The following PRDM5 variants were observed in gnomAD, a reference collection of about 807,000 sequenced individuals.
PRDM5 encodes PR/SET domain 5.
PRDM5 carries 56 observed loss-of-function variants against 81.2 expected under a neutral mutation model. The observed-to-expected ratio is 0.69, with a 90% CI of 0.56 to 0.86. The LOEUF (loss-of-function observed/expected upper bound fraction) is 0.86, where lower values mean the gene tolerates loss of function less well. Among genes scored for constraint, PRDM5 ranks in the 40% least tolerant of loss-of-function variants. The pLI is 0.00. For synonymous variants in PRDM5, 267 were observed against 256.4 expected (o/e 1.04, Z -0.39); for missense variants, 697 against 770.1 (o/e 0.91, Z 1.12).
intron 14 of PRDM5, among the ~76,000 whole-genome samples, chr4:120,732,066 C>A (rs982680626): frequency 6.6e-6 from 1 of 152,056 alleles, no homozygotes; most frequent in Admixed American, 6.6e-5. Context: ...AATGTTGAAC[C>A]ATCTCAGGAT....
chr4:120,915,113 C>G lies in PRDM5; in HGVS notation c.93+7403G>C, dbSNP rs543297181. 2.0e-5 allele frequency among the ~76,000 whole-genome samples: 3 copies of G among 152,158 alleles called. No individual in the cohort carries two copies. In the East Asian group the frequency reaches 5.8e-4, roughly 29 times the overall value. ...ACCACTATACAATTCATCCATGTAA[C>G]CAAAAACCACTTGTACCCCTAAAGC... On this transcript the variant is annotated intron_variant, in intron 1 of 15. Coordinates refer to ENST00000264808, the MANE Select transcript of PRDM5 (RefSeq NM_018699.4).
chr4:120,687,542 T>A (rs1229806032), downstream of PRDM5, among the ~76,000 whole-genome samples: 1 of 152,164 alleles, frequency 6.6e-6, no homozygotes, highest in African/African-American at 2.4e-5. Flanking sequence ...GATGAACATT[T>A]AGGCTACATC....
chr4:120,887,190 C>T (rs893366682), intron 2 of PRDM5, among the ~76,000 whole-genome samples: 6 of 152,150 alleles, frequency 3.9e-5, no homozygotes, highest in African/African-American at 1.2e-4. Context: ...GTGATCCACC[C>T]GCCTTGGCCT....
chr4:120,690,384 G>A (rs901704454), downstream of PRDM5, among the ~76,000 whole-genome samples: 3 of 152,126 alleles, frequency 2.0e-5, no homozygotes, highest in Admixed American at 6.6e-5. Context: ...CCATCCAAAT[G>A]AGGCAAGATG....
intron 15 of PRDM5, 77 bp from the exon 16 acceptor site, chr4:120,695,352 T>A: frequency 6.7e-7 from 1 of 1,496,966 alleles, no homozygotes; most frequent in Non-Finnish European, 9.2e-7. Flanking sequence ...ACTCACACTA[T>A]TGGCAAAGAA....
chr4:120,887,708 C>T (rs3115313), intron 2 of PRDM5, among the ~76,000 whole-genome samples: 63,649 of 150,634 alleles, frequency 0.42, 15,163 homozygotes, highest in African/African-American at 0.65. Context: ...TTCAGATGGC[C>T]GCTACACTTA....
chr4:120,846,264 T>C (rs1356817593), intron 3 of PRDM5, among the ~76,000 whole-genome samples: 1 of 152,226 alleles, frequency 6.6e-6, no homozygotes, highest in African/African-American at 2.4e-5. Flanking sequence ...GATAAAATGC[T>C]ATCAAAAAGC....
rs1336013267 is a variant in PRDM5, at chr4:120,745,632, C to A, written c.1623+8921G>T. On this transcript the variant is annotated intron_variant, in intron 14 of 15. Coordinates refer to ENST00000264808, the MANE Select transcript of PRDM5 (RefSeq NM_018699.4). ...CAAAAATCACAAGCATTCCTATACA[C>A]CAACAACAGACAAACAGAGAGCCAA... is the stretch of plus-strand genomic sequence containing the variant. Among the ~76,000 whole-genome samples, 3 of 137,858 alleles carry A rather than the reference C, an allele frequency of 2.2e-5. No homozygotes were observed. The East Asian group carries it at 6.4e-4, about 29-fold the overall frequency. The allele number at this position is 137,858 out of a possible 152,430, so 90.4% of individuals were successfully genotyped here.
intron 2 of PRDM5, among the ~76,000 whole-genome samples, chr4:120,888,939 T>C (rs1763759036): frequency 6.6e-6 from 1 of 152,204 alleles, no homozygotes; most frequent in African/African-American, 2.4e-5. Context: ...TTTTTTTAAA[T>C]TGATTTTTAT....
At chr4:120,687,283 A>G (rs1415003382), downstream of PRDM5, among the ~76,000 whole-genome samples, 1 of 152,024 alleles carries the variant, frequency 6.6e-6, no homozygotes, top group Non-Finnish European at 1.5e-5. Context: ...TACCCATTTA[A>G]CAACTCTTAT....
In PRDM5 at chr4:120,799,348, A is replaced by C. The variant is rs557876649; in HGVS notation, c.1030+313T>G. Among the ~76,000 whole-genome samples the C allele has an allele frequency of 2.6e-5, 4 of 152,320 alleles. 1 individual carries two copies. The East Asian group carries it at 7.7e-4, about 29-fold the overall frequency. ...ATGATCTCATTTAATCTTTGCAGCT[A>C]ATTTGAAAGGTAGGCACCAGTATCC... On this transcript the variant is annotated intron_variant, in intron 9 of 15. Transcript: ENST00000264808.
At chr4:120,700,665 CACT>C (rs1325514045) in intron 15 of PRDM5, among the ~76,000 whole-genome samples, 3 of 152,170 alleles carry the variant, frequency 2.0e-5, no homozygotes, top group Admixed American at 1.3e-4. Flanking sequence ...CATATATATG[CACT>C]ACTGTATTTA....
chr4:120,759,986 A>G (rs1165997652), intron 13 of PRDM5, among the ~76,000 whole-genome samples: 3 of 152,230 alleles, frequency 2.0e-5, no homozygotes, highest in South Asian at 2.1e-4. Context: ...TTGCAACAAT[A>G]TTATAATCTA....
At chr4:120,906,343 C>T (rs1765787956) in intron 2 of PRDM5, among the ~76,000 whole-genome samples, 1 of 152,122 alleles carries the variant, frequency 6.6e-6, no homozygotes, top group Non-Finnish European at 1.5e-5. Context: ...CAGTAACATG[C>T]TGTACAGGTT....
rs540089762 is a variant in PRDM5, at chr4:120,891,660, G to C, written c.177+15814C>G. Among the ~76,000 whole-genome samples the C allele has an allele frequency of 3.3e-5, 5 of 151,782 alleles. No homozygotes were observed. The South Asian group carries it at 6.2e-4, about 19-fold the overall frequency. On this transcript the variant is annotated intron_variant, in intron 2 of 15. Transcript: ENST00000264808. ...GGGAGCTTTCTAACTTTTTTTTTGA[G>C]ACAGAGTCTCACTGTGTCACCCAGA...
At chr4:120,799,630 T>A in intron 9 of PRDM5, 31 bp downstream of exon 9, 2 of 1,606,846 alleles carry the variant, frequency 1.2e-6, no homozygotes, top group South Asian at 2.2e-5. Context: ...TGTAATGATA[T>A]CACTATAAAC....
intron 3 of PRDM5, among the ~76,000 whole-genome samples, chr4:120,828,751 C>T (rs1310540884): frequency 6.6e-6 from 1 of 151,984 alleles, no homozygotes; most frequent in Non-Finnish European, 1.5e-5. Flanking sequence ...GCTTACATTC[C>T]ATTACCTAGC....
chr4:120,690,913 T>C (rs1734023520), downstream of PRDM5, among the ~76,000 whole-genome samples: 1 of 152,258 alleles, frequency 6.6e-6, no homozygotes, highest in Admixed American at 6.5e-5. Context: ...CTTAGATTAG[T>C]TTCCTCCTAC....
chr4:120,766,535 T>C (rs1244522688), intron 13 of PRDM5, among the ~76,000 whole-genome samples: 5 of 152,188 alleles, frequency 3.3e-5, no homozygotes, highest in Admixed American at 6.5e-5. Context: ...TTATCTTCAA[T>C]TGGTTGATAT....
Sources: allele counts gnomAD v4.1 joint callset (sites outside exome capture counted in the v4.1 genomes callset), GRCh38; gene constraint gnomAD v4.1.1; transcripts MANE v1.5; gene names NCBI Gene and HGNC (gene_info 2026-07-23, HGNC 2026-07-21).